Variants in MAPK10 observed in about 807,000 individuals in gnomAD.
MAPK10 encodes JNK3 alpha protein kinase.
Under a neutral mutation model 59.3 loss-of-function variants are expected in MAPK10, and 25 were observed. The observed-to-expected ratio is 0.42, with a 90% confidence interval of 0.31 to 0.59. MAPK10 has a LOEUF of 0.59. Among genes scored for constraint, MAPK10 ranks in the 20% least tolerant of loss-of-function variants. The pLI, the probability that MAPK10 is intolerant of heterozygous loss-of-function variation, is 0.15. For synonymous variants in MAPK10, 190 were observed against 200.5 expected (o/e 0.95, Z 0.44); for missense variants, 351 against 568.9 (o/e 0.62, Z 3.90).
At chr4:86,177,151 G>C (rs559201804) in intron 3 of MAPK10, among the ~76,000 whole-genome samples, 2 of 152,148 alleles carry the variant, frequency 1.3e-5, no homozygotes, top group Admixed American at 6.5e-5. Context: ...AAACACCAGT[G>C]CCTTCAACTA....
rs376294004 is a variant in MAPK10, at chr4:86,502,160, A to AT, written c.-263+91749dup. Among the ~76,000 whole-genome samples, 892 of 151,554 alleles carry AT rather than the reference A, an allele frequency of 5.9e-3. 7 individuals carry two copies. Among genetic ancestry groups the AT allele is most frequent in the African/African-American group, 0.019 (793 of 41,324 alleles). On this transcript the variant is annotated intron_variant, in intron 1 of 4. Transcript: ENST00000502302. ...CTTTAACGGCTACTTTTTGATCTCC[A>AT]TTTTTTTTCCTCCTCTAAATGTGTT...
intron 1 of MAPK10, among the ~76,000 whole-genome samples, chr4:86,524,637 G>A (rs1471439479): frequency 6.6e-6 from 1 of 152,186 alleles, no homozygotes; most frequent in Admixed American, 6.5e-5. Context: ...AAATCTGGCA[G>A]CTTTGCACAT....
chr4:86,264,700 T>G (rs1268472462), intron 2 of MAPK10, among the ~76,000 whole-genome samples: 1 of 152,194 alleles, frequency 6.6e-6, no homozygotes, highest in African/African-American at 2.4e-5. Flanking sequence ...GATAAAGGAC[T>G]ATGCCAGGGA....
intron 8 of MAPK10, 157 bp from the exon 9 acceptor site, chr4:86,098,752 C>T (rs527343437): frequency 3.4e-5 from 21 of 622,468 alleles, no homozygotes; most frequent in African/African-American, 2.7e-4. Flanking sequence ...CAAACCAGCG[C>T]TATGCTATTA....
chr4:86,080,047 A>G (rs1044066693), intron 9 of MAPK10: 1 of 152,108 alleles, frequency 6.6e-6, no homozygotes, highest in Non-Finnish European at 1.5e-5. Context: ...GTTTACTAAT[A>G]TATCTCTGGA....
At chr4:86,385,567 A>G (rs1432530823) in intron 1 of MAPK10, among the ~76,000 whole-genome samples, 5 of 152,204 alleles carry the variant, frequency 3.3e-5, no homozygotes, top group African/African-American at 9.6e-5. Flanking sequence ...TTTAATATGA[A>G]CTGATAAAGA....
intron 11 of MAPK10, among the ~76,000 whole-genome samples, chr4:86,044,179 T>C (rs891494469): frequency 5.9e-5 from 9 of 152,174 alleles, no homozygotes; most frequent in African/African-American, 1.9e-4. Flanking sequence ...GTGCAATATA[T>C]TGTGATGCTG....
At chr4:86,487,362 A>AGTGTGT (rs35053159) in intron 1 of MAPK10, among the ~76,000 whole-genome samples, 28,364 of 148,638 alleles carry the variant, frequency 0.19, 2,720 homozygotes, top group South Asian at 0.25. Flanking sequence ...AGAGAGAGAG[A>AGTGTGT]GTGTGTGTGT....
At chr4:86,142,117 A>G (rs2063768450) in intron 4 of MAPK10, among the ~76,000 whole-genome samples, 1 of 152,182 alleles carries the variant, frequency 6.6e-6, no homozygotes, top group Non-Finnish European at 1.5e-5. Flanking sequence ...TGAGGGATCC[A>G]CCGCCAAACC....
intron 2 of MAPK10, chr4:86,352,116 T>C (rs1232489695): frequency 6.6e-6 from 1 of 152,146 alleles, no homozygotes; most frequent in Admixed American, 6.5e-5. Flanking sequence ...ATGCAACTGA[T>C]TGGGGAAAAT....
chr4:86,590,973 G>A (rs1197534077), intron 1 of MAPK10, among the ~76,000 whole-genome samples: 1 of 152,164 alleles, frequency 6.6e-6, no homozygotes, highest in Admixed American at 6.5e-5. Flanking sequence ...GGATCTTGCT[G>A]TGTTGCCCAA....
At chr4:86,151,117 G>A (rs1280773147) in intron 4 of MAPK10, among the ~76,000 whole-genome samples, 1 of 152,156 alleles carries the variant, frequency 6.6e-6, no homozygotes, top group African/African-American at 2.4e-5. Context: ...ATGGAATCAA[G>A]AACACAGGTG....
rs190076921 is a variant in MAPK10 at position 86,140,746 on chromosome 4, C to T, written c.236+18552G>A. ...TCTGATTTCAACCAGCTACAAATTA[C>T]ACATACATGTGTATGCACAGGCAGG... On this transcript the variant is annotated intron_variant, in intron 4 of 13. Coordinates refer to ENST00000641462, the MANE Select transcript of MAPK10 (RefSeq NM_138982.4). 9.9e-5 allele frequency among the ~76,000 whole-genome samples: 15 copies of T among 152,036 alleles called. No individual in the cohort carries two copies. In the East Asian group the frequency reaches 2.5e-3, roughly 25 times the overall value.
chr4:86,421,969 C>T (rs1011178945), intron 1 of MAPK10, among the ~76,000 whole-genome samples: 4 of 152,164 alleles, frequency 2.6e-5, no homozygotes, highest in Admixed American at 6.5e-5. Context: ...ACTCCTTTGC[C>T]GCCAGTCTCA....
chr4:86,105,666 A>G (rs1339850816), intron 5 of MAPK10, among the ~76,000 whole-genome samples: 8 of 152,124 alleles, frequency 5.3e-5, no homozygotes, highest in Non-Finnish European at 1.2e-4. Flanking sequence ...TGCATTGATC[A>G]TGTGGCTAAT....
intron 2 of MAPK10, among the ~76,000 whole-genome samples, chr4:86,308,462 G>A (rs1044617500): frequency 2.0e-5 from 3 of 152,140 alleles, no homozygotes; most frequent in Non-Finnish European, 4.4e-5. Context: ...AGATTAGACA[G>A]AGGAAAAAGA....
intron 4 of MAPK10, among the ~76,000 whole-genome samples, chr4:86,150,841 G>A (rs545427495): frequency 4.0e-4 from 61 of 152,212 alleles, no homozygotes; most frequent in Non-Finnish European, 8.1e-4. Context: ...CAGCCTGGGC[G>A]ACAGAGTGAG....
intron 11 of MAPK10, among the ~76,000 whole-genome samples, chr4:86,061,281 C>T (rs1561154): frequency 0.017 from 2,628 of 152,204 alleles, 89 homozygotes; most frequent in African/African-American, 0.06. Context: ...TTGATGAATA[C>T]TGAACCAGAG....
intron 2 of MAPK10, among the ~76,000 whole-genome samples, chr4:86,319,606 A>G (rs560512744): frequency 1.1e-4 from 16 of 152,248 alleles, no homozygotes; most frequent in African/African-American, 3.9e-4. Context: ...AAGCTCAGAC[A>G]TGACTTTTTT....
Sources: allele counts gnomAD v4.1 joint callset (sites outside exome capture counted in the v4.1 genomes callset), GRCh38; gene constraint gnomAD v4.1.1; transcripts MANE v1.5; gene names NCBI Gene and HGNC (gene_info 2026-07-23, HGNC 2026-07-21).